The following PRKG1 variants were observed in gnomAD, a reference collection of about 807,000 sequenced individuals.
PRKG1 encodes cGMP-dependent protein kinase 1.
In PRKG1, 35 loss-of-function variants were observed where a neutral mutation model predicts 88.1. The observed-to-expected ratio is 0.40, with a 90% CI of 0.30 to 0.53. PRKG1 has a LOEUF of 0.53. Ranked by LOEUF, PRKG1 falls within the 20% of genes least tolerant of loss-of-function variation. The pLI is 0.59. For synonymous variants in PRKG1, 303 were observed against 292.5 expected, an observed-to-expected ratio of 1.04 and a Z score of -0.37; for missense variants, 540 against 839.8, an observed-to-expected ratio of 0.64 and a Z score of 4.41.
intron 2 of PRKG1, chr10:51,319,930 T>C: frequency 5.0e-6 from 1 of 201,328 alleles, no homozygotes. Flanking sequence ...TGTATGTCAA[T>C]GGCACATTTT....
At chr10:51,481,387 A>G (rs1840353849) in intron 3 of PRKG1, among the ~76,000 whole-genome samples, 1 of 152,126 alleles carries the variant, frequency 6.6e-6, no homozygotes, top group Non-Finnish European at 1.5e-5. Context: ...AGCTGGGATT[A>G]CAGGTGCCCA....
At chr10:52,244,815 A>AATATATATTTAG (rs369399292) in intron 9 of PRKG1, among the ~76,000 whole-genome samples, 131 of 65,732 alleles carry the variant, frequency 2.0e-3, no homozygotes, top group African/African-American at 4.5e-3. Flanking sequence ...GATATATTTA[A>AATATATATTTAG]ATATATTTAA....
At chr10:51,464,118 A>C (rs529414815) in intron 2 of PRKG1, among the ~76,000 whole-genome samples, 1 of 143,070 alleles carries the variant, frequency 7.0e-6, no homozygotes, top group South Asian at 2.5e-4. Flanking sequence ...AAAATACAAA[A>C]AGAAAAAAAA....
intron 3 of PRKG1, among the ~76,000 whole-genome samples, chr10:51,801,776 T>C (rs1414027243): frequency 6.6e-6 from 1 of 152,128 alleles, no homozygotes; most frequent in Non-Finnish European, 1.5e-5. Flanking sequence ...TGCATTGAAG[T>C]TGTTCTCAAT....
intron 3 of PRKG1, among the ~76,000 whole-genome samples, chr10:51,785,310 GTC>G (rs998884283): frequency 1.3e-4 from 20 of 151,802 alleles, no homozygotes; most frequent in Admixed American, 1.2e-3. Flanking sequence ...ATAAACCTCT[GTC>G]CACTGTTACT....
intron 9 of PRKG1, among the ~76,000 whole-genome samples, chr10:52,227,743 A>C (rs1840424369): frequency 6.6e-6 from 1 of 152,290 alleles, no homozygotes; most frequent in South Asian, 2.1e-4. Context: ...CAGCACAAAA[A>C]CCATAGCATA....
chr10:51,157,192 G>A (rs1229325813), intron 2 of PRKG1, among the ~76,000 whole-genome samples: 1 of 151,890 alleles, frequency 6.6e-6, no homozygotes, highest in African/African-American at 2.4e-5. Flanking sequence ...AGTCATCTGG[G>A]TGTAGTATGC....
intron 3 of PRKG1, among the ~76,000 whole-genome samples, chr10:51,653,036 G>A (rs1005083939): frequency 1.3e-5 from 2 of 152,138 alleles, no homozygotes; most frequent in African/African-American, 4.8e-5. Context: ...TGTCACAAAT[G>A]ACAAGATTTC....
chr10:51,317,817 G>T (rs1841361364), intron 2 of PRKG1, among the ~76,000 whole-genome samples: 1 of 152,202 alleles, frequency 6.6e-6, no homozygotes, highest in African/African-American at 2.4e-5. Flanking sequence ...TATTTAGCCA[G>T]GTTATGCCAG....
At chr10:51,705,295 A>G (rs925158180) in intron 3 of PRKG1, among the ~76,000 whole-genome samples, 15 of 152,334 alleles carry the variant, frequency 9.8e-5, no homozygotes, top group Admixed American at 9.8e-4. Context: ...TTGTATTACC[A>G]TAAAATCCAT....
At chr10:51,300,140 C>T (rs915474035) in intron 2 of PRKG1, among the ~76,000 whole-genome samples, 4 of 152,134 alleles carry the variant, frequency 2.6e-5, no homozygotes, top group African/African-American at 4.8e-5. Flanking sequence ...GTCACTATTT[C>T]GTCTATTTGA....
intron 5 of PRKG1, chr10:51,911,069 A>G (rs1842205479): frequency 6.6e-6 from 1 of 152,224 alleles, no homozygotes. Flanking sequence ...ATGTGAACAC[A>G]AAGTGAAGCA....
At chr10:51,745,119 A>G (rs1235245407) in intron 3 of PRKG1, among the ~76,000 whole-genome samples, 1 of 152,212 alleles carries the variant, frequency 6.6e-6, no homozygotes, top group African/African-American at 2.4e-5. Context: ...AAAAATAGAA[A>G]GTAAAAAGTT....
At position 52,218,083 on chromosome 10, in the gene PRKG1, A is replaced by G. The variant is rs113977001; in HGVS notation, c.1077-33487A>G. On this transcript the variant is annotated intron_variant, in intron 9 of 17. Coordinates refer to ENST00000373980, the MANE Select transcript of PRKG1 (RefSeq NM_006258.4). ...AAAAATTAGCTGGGCGTGGTGGCAC[A>G]CGTCTGTAATCCCAGCTACTCAGGA... is the stretch of plus-strand genomic sequence containing the variant. 1.6e-3 allele frequency among the ~76,000 whole-genome samples: 241 copies of G among 151,854 alleles called. 2 individuals carry two copies. The highest frequency in any genetic ancestry group is 5.5e-3 in the African/African-American group (228 of 41,434).
intron 3 of PRKG1, among the ~76,000 whole-genome samples, chr10:51,489,573 A>G (rs1420244127): frequency 4.6e-5 from 7 of 152,182 alleles, no homozygotes; most frequent in Admixed American, 4.6e-4. Context: ...TTGGAAAACC[A>G]CTGTTCTAGA....
chr10:52,226,908 T>C (rs964338847), intron 9 of PRKG1, among the ~76,000 whole-genome samples: 4 of 152,130 alleles, frequency 2.6e-5, no homozygotes, highest in Non-Finnish European at 4.4e-5. Context: ...TGCTATTAAA[T>C]ATCCATAGAT....
chr10:51,919,024 A>G (rs1480569343), intron 5 of PRKG1, among the ~76,000 whole-genome samples: 1 of 152,154 alleles, frequency 6.6e-6, no homozygotes, highest in Non-Finnish European at 1.5e-5. Flanking sequence ...CACAGAATAC[A>G]AAGCTTGTTT....
At chr10:51,578,422 A>G (rs1837942451) in intron 3 of PRKG1, among the ~76,000 whole-genome samples, 2 of 152,100 alleles carry the variant, frequency 1.3e-5, no homozygotes, top group Non-Finnish European at 2.9e-5. Context: ...CTTCTGTCCA[A>G]TCCTCATCTT....
intron 2 of PRKG1, among the ~76,000 whole-genome samples, chr10:51,258,710 C>G (rs901009552): frequency 1.3e-5 from 2 of 152,216 alleles, no homozygotes; most frequent in African/African-American, 4.8e-5. Context: ...GCTCTCAGGA[C>G]CATTACTGGC....
Sources: allele counts gnomAD v4.1 joint callset (sites outside exome capture counted in the v4.1 genomes callset), GRCh38; gene constraint gnomAD v4.1.1; transcripts MANE v1.5; gene names NCBI Gene and HGNC (gene_info 2026-07-23, HGNC 2026-07-21).